The following MGAT4C variants were observed in gnomAD, a reference collection of about 807,000 sequenced individuals.
The protein encoded by MGAT4C is MGAT4 family member C, also known as alpha-1,3-mannosyl-glycoprotein 4-beta-N-acetylglucosaminyltransferase C.
Under a neutral mutation model 40.1 loss-of-function variants are expected in MGAT4C, and 19 were observed. The ratio of observed to expected loss-of-function variants is 0.47; its 90% CI spans 0.33 to 0.70. MGAT4C has a LOEUF of 0.70. Among genes scored for constraint, MGAT4C ranks in the 30% least tolerant of loss-of-function variants. The pLI, the probability that MGAT4C is intolerant of heterozygous loss-of-function variation, is 0.02. For synonymous variants in MGAT4C, 181 were observed against 187.1 expected (o/e 0.97, Z 0.27); for missense variants, 491 against 563.2 (o/e 0.87, Z 1.30).
At chr12:86,016,567 TG>T (rs1889108707) in intron 2 of MGAT4C, 1 of 152,182 alleles carries the variant, frequency 6.6e-6, no homozygotes, top group Admixed American at 6.5e-5. Flanking sequence ...CAGAATTGAG[TG>T]GTAGCAGTCC....
At chr12:86,736,725 C>T (rs1367599730) in intron 1 of MGAT4C, among the ~76,000 whole-genome samples, 1 of 151,760 alleles carries the variant, frequency 6.6e-6, no homozygotes, top group Non-Finnish European at 1.5e-5. Flanking sequence ...CCACTGTCTG[C>T]TGTGACCACT....
chr12:86,259,558 A>G (rs1202562542), upstream of MGAT4C, among the ~76,000 whole-genome samples: 4 of 151,652 alleles, frequency 2.6e-5, no homozygotes, highest in East Asian at 4.0e-4. Flanking sequence ...AATGCTGCAT[A>G]TAGCTCTAAT....
At chr12:86,702,140 G>T (rs576790259) in intron 2 of MGAT4C, among the ~76,000 whole-genome samples, 21 of 151,830 alleles carry the variant, frequency 1.4e-4, no homozygotes, top group African/African-American at 4.6e-4. Flanking sequence ...TCCCACCTCA[G>T]TCTCTCAGTC....
intron 2 of MGAT4C, among the ~76,000 whole-genome samples, chr12:86,705,737 C>T (rs763229774): frequency 6.6e-6 from 1 of 151,956 alleles, no homozygotes; most frequent in Non-Finnish European, 1.5e-5. Context: ...CTTTAGAGAG[C>T]TTGACAAAAT....
chr12:86,245,103 C>T (rs918993199), intron 1 of MGAT4C, among the ~76,000 whole-genome samples: 1 of 151,978 alleles, frequency 6.6e-6, no homozygotes, highest in Non-Finnish European at 1.5e-5. Flanking sequence ...CTATAATGGC[C>T]CACTCTAAAC....
chr12:86,423,659 A>T (rs1470574635), intron 3 of MGAT4C, among the ~76,000 whole-genome samples: 1 of 152,160 alleles, frequency 6.6e-6, no homozygotes, highest in South Asian at 2.1e-4. Context: ...CTCATGGTAG[A>T]AAGAATTGAA....
intron 3 of MGAT4C, among the ~76,000 whole-genome samples, chr12:86,343,852 T>A (rs1393222586): frequency 6.6e-6 from 1 of 152,192 alleles, no homozygotes; most frequent in Admixed American, 6.5e-5. Flanking sequence ...GAAAGCTTTT[T>A]TTTTCTTTTC....
chr12:86,072,790 C>T (rs1206251549), intron 1 of MGAT4C, among the ~76,000 whole-genome samples: 2 of 152,042 alleles, frequency 1.3e-5, no homozygotes, highest in Non-Finnish European at 2.9e-5. Context: ...TTTTACACCC[C>T]TTTTATATTG....
At chr12:86,361,781 A>G (rs1955479670) in intron 3 of MGAT4C, among the ~76,000 whole-genome samples, 2 of 152,230 alleles carry the variant, frequency 1.3e-5, no homozygotes. Flanking sequence ...CAAAACCACA[A>G]TGAGATACCA....
chr12:86,576,753 G>A (rs143848668), intron 2 of MGAT4C, among the ~76,000 whole-genome samples: 1 of 151,952 alleles, frequency 6.6e-6, no homozygotes, highest in East Asian at 1.9e-4. Context: ...GTAAGTTAAT[G>A]TGATTCTTCC....
In MGAT4C at chr12:86,676,520, CA is replaced by C. The variant is rs1272551055; in HGVS notation, c.-229+50688del. Among the ~76,000 whole-genome samples, 4 of 152,252 alleles carry C rather than the reference CA, an allele frequency of 2.6e-5. No homozygotes were observed. The East Asian group carries it at 7.7e-4, about 29-fold the overall frequency. ...AGAACATAATTGTCCTTTAGCAATA[CA>C]TATACTTGTGGATTTTAAGGAAATA... On this transcript the variant is annotated intron_variant, in intron 2 of 7. Transcript: ENST00000548651.
intron 2 of MGAT4C, among the ~76,000 whole-genome samples, chr12:86,684,339 T>A (rs1472518419): frequency 6.6e-6 from 1 of 152,214 alleles, no homozygotes; most frequent in Non-Finnish European, 1.5e-5. Context: ...GCTTCATCCA[T>A]GTCCCTGCAA....
chr12:86,722,547 C>T (rs1950754566), intron 2 of MGAT4C, among the ~76,000 whole-genome samples: 1 of 152,164 alleles, frequency 6.6e-6, no homozygotes, highest in South Asian at 2.1e-4. Context: ...ATCAAGACCA[C>T]CTCAAAGACT....
intron 4 of MGAT4C, among the ~76,000 whole-genome samples, chr12:86,297,289 G>A (rs912026484): frequency 3.3e-5 from 5 of 152,140 alleles, no homozygotes; most frequent in African/African-American, 1.2e-4. Context: ...GTTTATTTCT[G>A]TACAACAGTG....
At chr12:86,461,910 G>A (rs1957607592) in intron 2 of MGAT4C, among the ~76,000 whole-genome samples, 1 of 152,136 alleles carries the variant, frequency 6.6e-6, no homozygotes, top group African/African-American at 2.4e-5. Flanking sequence ...GAGATTAGCA[G>A]GCTTTCTCCT....
chr12:86,181,175 C>A (rs1293862227), intron 1 of MGAT4C, among the ~76,000 whole-genome samples: 1 of 152,074 alleles, frequency 6.6e-6, no homozygotes, highest in Non-Finnish European at 1.5e-5. Flanking sequence ...GTAAGAATTG[C>A]CTTTTGCCTC....
intron 2 of MGAT4C, among the ~76,000 whole-genome samples, chr12:86,695,772 A>C (rs762993220): frequency 2.0e-5 from 3 of 152,076 alleles, no homozygotes; most frequent in Non-Finnish European, 4.4e-5. Flanking sequence ...ACCAGAGGCT[A>C]GGAAGGGTAG....
chr12:86,396,546 T>C (rs1565730874), intron 3 of MGAT4C, among the ~76,000 whole-genome samples: 2 of 152,084 alleles, frequency 1.3e-5, no homozygotes, highest in Non-Finnish European at 2.9e-5. Flanking sequence ...CTACTTATAA[T>C]TATAATGGAA....
chr12:86,822,899 ATTATG>A (rs1231239432), intron 1 of MGAT4C, among the ~76,000 whole-genome samples: 1 of 151,154 alleles, frequency 6.6e-6, no homozygotes, highest in Non-Finnish European at 1.5e-5. Flanking sequence ...TTCATGACAA[ATTATG>A]TTAGGTTAGA....
Sources: allele counts gnomAD v4.1 joint callset (sites outside exome capture counted in the v4.1 genomes callset), GRCh38; gene constraint gnomAD v4.1.1; transcripts MANE v1.5; gene names NCBI Gene and HGNC (gene_info 2026-07-23, HGNC 2026-07-21).